PTPRD: variants seen among roughly 807,000 people sequenced by gnomAD.
PTPRD encodes protein tyrosine phosphatase receptor type D.
A neutral mutation model predicts 214.5 loss-of-function variants in PTPRD; 34 were observed. The observed-to-expected ratio is 0.16, with a 90% confidence interval of 0.12 to 0.21. The LOEUF is 0.21. PTPRD is among the 10% of genes least tolerant of loss of function. The pLI is 1.00. For missense variants in PTPRD, 2,545 were observed against 2,398.7 expected (o/e 1.06, Z -1.27); for synonymous variants, 1,128 against 845.7 (o/e 1.33, Z -5.79).
intron 11 of PTPRD, among the ~76,000 whole-genome samples, chr9:8,932,138 T>A (rs1163864578): frequency 3.3e-5 from 5 of 152,040 alleles, no homozygotes; most frequent in African/African-American, 4.8e-5. Context: ...TTTTGAAGGG[T>A]TTTTCGTGTC....
intron 35 of PTPRD, among the ~76,000 whole-genome samples, chr9:8,407,526 C>G (rs1157343359): frequency 6.6e-6 from 1 of 152,160 alleles, no homozygotes; most frequent in East Asian, 1.9e-4. Flanking sequence ...AGCCATGATA[C>G]TACTTAACTA....
chr9:10,106,488 G>C (rs778263190), intron 3 of PTPRD, among the ~76,000 whole-genome samples: 11 of 151,708 alleles, frequency 7.3e-5, no homozygotes, highest in Non-Finnish European at 4.4e-5. Context: ...GTAACACAAA[G>C]AAAGAAAGAA....
At chr9:9,949,155 A>G (rs2093159950) in intron 4 of PTPRD, among the ~76,000 whole-genome samples, 1 of 152,118 alleles carries the variant, frequency 6.6e-6, no homozygotes, top group South Asian at 2.1e-4. Context: ...TACCTCCTCC[A>G]TGATCTGTAG....
At chr9:9,122,708 T>G (rs1329182440) in intron 10 of PTPRD, among the ~76,000 whole-genome samples, 1 of 152,186 alleles carries the variant, frequency 6.6e-6, no homozygotes, top group Non-Finnish European at 1.5e-5. Flanking sequence ...AATCCTGTGT[T>G]TCTCATTTAG....
At chr9:9,899,964 A>G (rs1350004079) in intron 5 of PTPRD, among the ~76,000 whole-genome samples, 1 of 152,058 alleles carries the variant, frequency 6.6e-6, no homozygotes, top group East Asian at 1.9e-4. Context: ...GACAAACCTG[A>G]AAAAAGTAGA....
chr9:10,128,334 A>G (rs1247176368), intron 3 of PTPRD, among the ~76,000 whole-genome samples: 2 of 152,184 alleles, frequency 1.3e-5, no homozygotes, highest in African/African-American at 4.8e-5. Context: ...CTCAAATCCA[A>G]TATGACTGGT....
chr9:9,571,973 A>G (rs1378701756), intron 8 of PTPRD, among the ~76,000 whole-genome samples: 1 of 151,286 alleles, frequency 6.6e-6, no homozygotes, highest in African/African-American at 2.4e-5. Context: ...GTTTAGAGAA[A>G]CCATAATATC....
intron 11 of PTPRD, among the ~76,000 whole-genome samples, chr9:8,926,275 T>A (rs1240923686): frequency 6.6e-6 from 1 of 152,292 alleles, no homozygotes; most frequent in South Asian, 2.1e-4. Context: ...GAAGCCTTCC[T>A]TGATCAACCC....
At chr9:8,571,089 C>A (rs751697669) in intron 14 of PTPRD, among the ~76,000 whole-genome samples, 27 of 152,056 alleles carry the variant, frequency 1.8e-4, no homozygotes, top group Admixed American at 1.3e-4. Context: ...TCACGAGCTT[C>A]CACGGCATAT....
At chr9:8,788,253 A>ATTTTTTTTTTTTTT (rs776984034) in intron 11 of PTPRD, among the ~76,000 whole-genome samples, 1 of 85,264 alleles carries the variant, frequency 1.2e-5, no homozygotes, top group Non-Finnish European at 2.1e-5. Flanking sequence ...ATATAAGATG[A>ATTTTTTTTTTTTTT]TTTTTTTTTT....
chr9:9,517,162 C>T (rs1356101039), intron 8 of PTPRD, among the ~76,000 whole-genome samples: 2 of 151,970 alleles, frequency 1.3e-5, no homozygotes, highest in Non-Finnish European at 2.9e-5. Flanking sequence ...TATTTATTCT[C>T]ATAACTTGTG....
At chr9:8,840,510 T>C (rs759812323) in intron 11 of PTPRD, among the ~76,000 whole-genome samples, 10 of 152,206 alleles carry the variant, frequency 6.6e-5, no homozygotes, top group Admixed American at 3.3e-4. Flanking sequence ...ATGTCTTTAT[T>C]AGCAGTGTGA....
chr9:9,879,353 A>G (rs1565960378), intron 5 of PTPRD, among the ~76,000 whole-genome samples: 1 of 152,150 alleles, frequency 6.6e-6, no homozygotes, highest in Non-Finnish European at 1.5e-5. Context: ...CCCACTTGTG[A>G]TGAGAAAAAA....
At chr9:9,534,666 G>C (rs1275154839) in intron 8 of PTPRD, among the ~76,000 whole-genome samples, 2 of 151,958 alleles carry the variant, frequency 1.3e-5, no homozygotes, top group South Asian at 2.1e-4. Context: ...ACTGAGTAAA[G>C]GGAAAAAATG....
chr9:9,101,171 CA>C (rs891685509), intron 10 of PTPRD, among the ~76,000 whole-genome samples: 34 of 151,114 alleles, frequency 2.2e-4, no homozygotes, highest in African/African-American at 8.0e-4. Context: ...ATCAGCAAAA[CA>C]AAACAAAACA....
Position 8,517,844 on chromosome 9 carries a change from T to C in PTPRD, c.1543+4A>G, listed in dbSNP as rs2138447079. ...GCCCTATTTCCCTCCTCAACCAAAC[T>C]TACCTCCTGTCTGAGTGATGACTTG... On this transcript the variant is annotated splice_donor_region_variant and intron_variant, in intron 21 of 45. Transcript: ENST00000381196. The C allele has an allele frequency of 1.9e-6, 3 of 1,609,808 alleles. No homozygotes were observed. Among genetic ancestry groups the C allele is most frequent in the Non-Finnish European group, 2.5e-6 (3 of 1,177,554 alleles).
chr9:8,441,004 G>A lies in PTPRD; in HGVS notation c.3989-4315C>T, dbSNP rs1386476861. Among the ~76,000 whole-genome samples the A allele has an allele frequency of 2.6e-5, 4 of 152,096 alleles. No homozygotes were observed. The South Asian group carries it at 6.2e-4, about 24-fold the overall frequency. ...CTTTCTACTGTACTATTCCGAGAACGGCATTTGCGATCTTCTAAATGAAGT... is the reference window on the plus strand; with the variant it reads ...CTTTCTACTGTACTATTCCGAGAACAGCATTTGCGATCTTCTAAATGAAGT... On this transcript the variant is annotated intron_variant, in intron 34 of 45. Transcript: ENST00000381196.
intron 10 of PTPRD, among the ~76,000 whole-genome samples, chr9:9,026,038 T>G (rs1445942811): frequency 6.6e-6 from 1 of 151,754 alleles, no homozygotes; most frequent in Non-Finnish European, 1.5e-5. Context: ...ATAATTTCAG[T>G]GAGAACTAAG....
At chr9:10,150,170 G>A (rs1011737674) in intron 3 of PTPRD, among the ~76,000 whole-genome samples, 1 of 152,066 alleles carries the variant, frequency 6.6e-6, no homozygotes, top group Non-Finnish European at 1.5e-5. Context: ...TATTTTCAAA[G>A]AATTATTTGT....
Sources: gnomAD v4.1 joint callset for allele counts (sites outside exome capture counted in the v4.1 genomes callset) on GRCh38, gnomAD v4.1.1 for gene constraint, MANE v1.5 for transcripts, NCBI Gene and HGNC (gene_info 2026-07-23, HGNC 2026-07-21) for gene names.